WDFY3: variants seen among roughly 807,000 people sequenced by gnomAD.
WDFY3 encodes the protein WD repeat and FYVE domain-containing protein 3.
A neutral mutation model predicts 409.6 loss-of-function variants in WDFY3; 66 were observed. The observed-to-expected ratio is 0.16, with a 90% CI of 0.13 to 0.20. The LOEUF (loss-of-function observed/expected upper bound fraction) is 0.20. WDFY3 is among the 10% of genes least tolerant of loss of function. WDFY3 has a pLI of 1.00. For synonymous variants in WDFY3, 1,521 were observed against 1,537.1 expected (o/e 0.99, Z 0.25); for missense variants, 3,031 against 4,298.1 (o/e 0.71, Z 8.24).
intron 2 of WDFY3, among the ~76,000 whole-genome samples, chr4:84,897,278 T>C (rs1004839289): frequency 3.3e-5 from 5 of 152,228 alleles, no homozygotes; most frequent in African/African-American, 1.2e-4. Flanking sequence ...TGAGAACCAC[T>C]GCCACAGAAA....
intron 24 of WDFY3, 42 bp from the exon 25 acceptor site, chr4:84,783,116 A>G (rs1445047349): frequency 3.2e-6 from 5 of 1,548,504 alleles, no homozygotes; most frequent in Non-Finnish European, 4.4e-6. Context: ...ATATAAGAAC[A>G]GTTTCAATGT....
At chr4:84,756,878 T>G in intron 33 of WDFY3, 48 bp downstream of exon 33, 1 of 1,554,154 alleles carries the variant, frequency 6.4e-7, no homozygotes, top group Non-Finnish European at 8.8e-7. Flanking sequence ...CCTACGGTGA[T>G]TCTTTGGAAT....
Position 84,841,304 on chromosome 4 carries a change from C to CT in WDFY3, c.305-42_305-41insA, listed in dbSNP as rs752592166. 3.8e-4 allele frequency: 593 copies of CT among 1,556,496 alleles called. 1 individual carries two copies. The highest frequency in any genetic ancestry group is 5.0e-4 in the Non-Finnish European group (573 of 1,140,370). Reference sequence around the variant, plus strand: ...GAAAGCCATTAAGTGGGGGAAAAGTCACATATAAAGAGGTTCTTCTTTAAA... The same window carrying CT: ...GAAAGCCATTAAGTGGGGGAAAAGTCTACATATAAAGAGGTTCTTCTTTAAA... On this transcript the variant is annotated intron_variant, in intron 5 of 67. Transcript: ENST00000295888.
intron 27 of WDFY3, among the ~76,000 whole-genome samples, chr4:84,777,366 T>C (rs1745730175): frequency 6.6e-6 from 1 of 151,154 alleles, no homozygotes; most frequent in African/African-American, 2.4e-5. Context: ...AAGATGAACA[T>C]CCTTACATAA....
chr4:84,782,054 TTA>T (rs748342703), intron 25 of WDFY3, among the ~76,000 whole-genome samples: 19 of 152,168 alleles, frequency 1.2e-4, no homozygotes, highest in Non-Finnish European at 2.6e-4. Flanking sequence ...CGTGATTGGT[TTA>T]TGTCTCAAGA....
intron 9 of WDFY3, among the ~76,000 whole-genome samples, chr4:84,828,644 T>G (rs1755210595): frequency 1.3e-5 from 2 of 152,158 alleles, no homozygotes; most frequent in South Asian, 4.1e-4. Flanking sequence ...GGCTCATGAC[T>G]GTAATCTCAG....
chr4:84,925,507 G>C (rs1038258120), intron 2 of WDFY3, among the ~76,000 whole-genome samples: 4 of 152,138 alleles, frequency 2.6e-5, no homozygotes, highest in African/African-American at 9.7e-5. Context: ...GAGAGGAAGA[G>C]TGAAAGAGAA....
intron 36 of WDFY3, among the ~76,000 whole-genome samples, chr4:84,747,448 T>C (rs1197108236): frequency 6.6e-6 from 1 of 152,172 alleles, no homozygotes; most frequent in Non-Finnish European, 1.5e-5. Context: ...TTTTGCTTGT[T>C]TCCCTGTAGT....
chr4:84,789,563 A>G (rs1202104200), intron 22 of WDFY3, among the ~76,000 whole-genome samples, 163 bp downstream of exon 22: 1 of 152,032 alleles, frequency 6.6e-6, no homozygotes. Flanking sequence ...ACATGAGTCT[A>G]ACATATTATT....
intron 8 of WDFY3, among the ~76,000 whole-genome samples, chr4:84,830,712 T>A (rs1244910121): frequency 1.3e-5 from 2 of 152,194 alleles, no homozygotes; most frequent in Non-Finnish European, 2.9e-5. Context: ...ATTCCATCTA[T>A]GCTGCATGAC....
chr4:84,869,662 C>G (rs1761902047), intron 3 of WDFY3, among the ~76,000 whole-genome samples: 1 of 152,124 alleles, frequency 6.6e-6, no homozygotes, highest in African/African-American at 2.4e-5. Context: ...AAAAGACAAA[C>G]TTATGGCCAA....
chr4:84,810,396 A>G, intron 13 of WDFY3, 52 bp from the exon 14 acceptor site: 1 of 1,403,444 alleles, frequency 7.1e-7, no homozygotes. Context: ...TTCAAAAAAA[A>G]AAAAAAACCA....
chr4:84,759,161 A>G (rs990217487), intron 32 of WDFY3, among the ~76,000 whole-genome samples: 3 of 152,120 alleles, frequency 2.0e-5, no homozygotes, highest in Admixed American at 1.3e-4. Context: ...CCATTGATCT[A>G]TATCTCTGTT....
chr4:84,945,273 C>T (rs1772670918), intron 1 of WDFY3, among the ~76,000 whole-genome samples: 1 of 152,216 alleles, frequency 6.6e-6, no homozygotes, highest in African/African-American at 2.4e-5. Context: ...GTCACTGTCA[C>T]TACTGTTGAG....
chr4:84,710,550 G>T (rs993240910), intron 51 of WDFY3, among the ~76,000 whole-genome samples: 1 of 152,254 alleles, frequency 6.6e-6, no homozygotes. Context: ...CATCCAGCTC[G>T]ATGGTACTAT....
At chr4:84,841,020 TA>T in intron 6 of WDFY3, 133 bp downstream of exon 6, 1 of 770,254 alleles carries the variant, frequency 1.3e-6, no homozygotes. Flanking sequence ...AATAATGTTT[TA>T]AAAAAGTTAG....
rs569600493 is a variant in WDFY3, at chr4:84,825,460, G to A, written c.1123+1355C>T. ...CAGCTCACTGCAGCTTTGAACTCCC[G>A]GGCTCAAAAGATCCTCCTGTGTAGC... On this transcript the variant is annotated intron_variant, in intron 10 of 67. Transcript: ENST00000295888. Among the ~76,000 whole-genome samples, 11 of 150,878 alleles carry A rather than the reference G, an allele frequency of 7.3e-5. No homozygotes were observed. The East Asian group carries it at 9.8e-4, about 13-fold the overall frequency.
rs1003513044 is a variant in WDFY3, at chr4:84,724,715, G to A, written c.7273-121C>T. On this transcript the variant is annotated intron_variant, in intron 45 of 67. Transcript: ENST00000295888. Reference sequence around the variant, plus strand: ...TTTTTAAAGGGGCTTTTCATAGACTGTATGTATATACAGTAAATCCACACT... The same window carrying A: ...TTTTTAAAGGGGCTTTTCATAGACTATATGTATATACAGTAAATCCACACT... 47 of 1,011,784 alleles carry A rather than the reference G, an allele frequency of 4.6e-5. No homozygotes were observed. The East Asian group carries it at 1.3e-3, about 28-fold the overall frequency. The allele number at this position is 1,011,784 out of a possible 1,614,324, so 62.7% of individuals were successfully genotyped here.
chr4:84,832,602 A>G (rs917609081), intron 7 of WDFY3, among the ~76,000 whole-genome samples: 1 of 152,234 alleles, frequency 6.6e-6, no homozygotes, highest in Non-Finnish European at 1.5e-5. Flanking sequence ...ACTGTGACCT[A>G]TAAATATATG....
Sources: gnomAD v4.1 joint callset for allele counts (sites outside exome capture counted in the v4.1 genomes callset) on GRCh38, gnomAD v4.1.1 for gene constraint, MANE v1.5 for transcripts, NCBI Gene and HGNC (gene_info 2026-07-23, HGNC 2026-07-21) for gene names.